CBFA2T2: variants seen among roughly 807,000 people sequenced by gnomAD.
CBFA2T2 encodes CBFA2/RUNX1 partner transcriptional co-repressor 2.
A neutral mutation model predicts 62.2 loss-of-function variants in CBFA2T2; 11 were observed. The ratio of observed to expected loss-of-function variants is 0.18; its 90% CI spans 0.11 to 0.29. The LOEUF is 0.29. CBFA2T2 is among the 10% of genes least tolerant of loss of function. The pLI is 1.00. For missense variants in CBFA2T2, 592 were observed against 774.1 expected, an observed-to-expected ratio of 0.76 and a Z score of 2.79; for synonymous variants, 295 against 287.5, an observed-to-expected ratio of 1.03 and a Z score of -0.27.
At chr20:33,503,281 G>A (rs181782864) in intron 1 of CBFA2T2, among the ~76,000 whole-genome samples, 1 of 121,726 alleles carries the variant, frequency 8.2e-6, no homozygotes, top group Non-Finnish European at 1.6e-5. Flanking sequence ...TTGAGATGGA[G>A]TCTCGCCCAG....
At chr20:33,634,235 G>A (rs185156165) in intron 8 of CBFA2T2, among the ~76,000 whole-genome samples, 1 of 152,268 alleles carries the variant, frequency 6.6e-6, no homozygotes, top group Admixed American at 6.5e-5. Flanking sequence ...CCAAAGTGCT[G>A]AGATTACACA....
chr20:33,601,802 C>G (rs1483669453), intron 1 of CBFA2T2: 3 of 129,666 alleles, frequency 2.3e-5, no homozygotes, highest in African/African-American at 9.9e-5. Context: ...AACTGTTATT[C>G]TAATAGATTT....
At chr20:33,640,731 AT>A (rs1272787176) in intron 10 of CBFA2T2, among the ~76,000 whole-genome samples, 200 bp downstream of exon 10, 1 of 151,940 alleles carries the variant, frequency 6.6e-6, no homozygotes, top group East Asian at 1.9e-4. Context: ...ATTACATTGT[AT>A]TTTTACATAC....
chr20:33,501,630 CTTTTTTTTTTTTTTTTTT>C (rs869281966), intron 1 of CBFA2T2, among the ~76,000 whole-genome samples: 1 of 63,256 alleles, frequency 1.6e-5, no homozygotes, highest in Non-Finnish European at 2.6e-5. Context: ...CTTAGCCTTC[CTTTTTTTTTTTTTTTTTT>C]TTTTTTTTTT....
At position 33,644,617 on chromosome 20, in the gene CBFA2T2, G is replaced by T; in HGVS notation, c.1759G>T (p.Val587Leu). Residue 587 changes from valine (V) to leucine (L), a missense_variant, in exon 11 of 11, where the codon GTG becomes TTG. Around this residue, in one of 3 missense-constraint regions of CBFA2T2, gnomAD observed 85 missense variants for 99.0 expected, o/e 0.86. Coordinates refer to ENST00000342704, the MANE Select transcript of CBFA2T2 (RefSeq NM_001032999.3). ...TTSRSSTPAS[V>L]TAIDTNGL ...ATCGCGTTCCTCAACACCTGCTTCT[G>T]TGACAGCTATCGACACCAACGGACT... 1 of 1,609,928 alleles carries T rather than the reference G, an allele frequency of 6.2e-7. No homozygotes were observed. The highest frequency in any genetic ancestry group is 8.5e-7 in the Non-Finnish European group (1 of 1,176,688).
intron 1 of CBFA2T2, among the ~76,000 whole-genome samples, chr20:33,502,935 C>T (rs2011317380): frequency 6.7e-6 from 1 of 149,714 alleles, no homozygotes; most frequent in Non-Finnish European, 1.5e-5. Context: ...CTAAAAAATA[C>T]AGAAAATTAG....
intron 1 of CBFA2T2, among the ~76,000 whole-genome samples, chr20:33,493,781 A>G (rs2011166977): frequency 2.2e-5 from 1 of 45,548 alleles, no homozygotes; most frequent in Non-Finnish European, 1.0e-4. Flanking sequence ...GAGTAGAGGC[A>G]TGAGCCACCA....
intron 3 of CBFA2T2, 67 bp from the exon 4 acceptor site, chr20:33,619,450 A>T: frequency 1.3e-6 from 1 of 744,728 alleles, no homozygotes; most frequent in East Asian, 3.0e-5. Flanking sequence ...AAAAAAAAGA[A>T]GAGTTTGGCA....
intron 3 of CBFA2T2, 35 bp from the exon 4 acceptor site, chr20:33,619,481 GT>G (rs1348027429): frequency 7.8e-7 from 1 of 1,274,910 alleles, no homozygotes; most frequent in Non-Finnish European, 1.1e-6. Context: ...TGGAAGTCCA[GT>G]TTTGGAAGTT....
chr20:33,506,966 C>T (rs967504263), intron 1 of CBFA2T2, among the ~76,000 whole-genome samples: 2 of 152,130 alleles, frequency 1.3e-5, no homozygotes, highest in African/African-American at 2.4e-5. Flanking sequence ...ATACTGAAAT[C>T]AATTTCTGAT....
At chr20:33,623,073 G>A (rs1358051288) in intron 4 of CBFA2T2, 42 bp from the exon 5 acceptor site, 12 of 1,606,444 alleles carry the variant, frequency 7.5e-6, no homozygotes, top group Non-Finnish European at 1.0e-5. Flanking sequence ...GAGCCTTCTT[G>A]TGTAGGGCCT....
intron 1 of CBFA2T2, among the ~76,000 whole-genome samples, chr20:33,536,007 A>T (rs1244988617): frequency 6.6e-6 from 1 of 152,210 alleles, no homozygotes; most frequent in Non-Finnish European, 1.5e-5. Flanking sequence ...GATCAACAGG[A>T]TCCCAAGGCA....
chr20:33,537,113 G>A (rs2012276104), intron 1 of CBFA2T2, among the ~76,000 whole-genome samples: 1 of 152,242 alleles, frequency 6.6e-6, no homozygotes, highest in African/African-American at 2.4e-5. Context: ...TGCAATCTCG[G>A]CACTTTGGGA....
At chr20:33,557,308 C>T (rs1401312416) in intron 1 of CBFA2T2, among the ~76,000 whole-genome samples, 4 of 152,118 alleles carry the variant, frequency 2.6e-5, no homozygotes, top group African/African-American at 9.6e-5. Flanking sequence ...CCACTGCGCC[C>T]AGCTGTGTGC....
At chr20:33,517,995 C>G (rs2011633569) in intron 1 of CBFA2T2, among the ~76,000 whole-genome samples, 1 of 151,870 alleles carries the variant, frequency 6.6e-6, no homozygotes, top group South Asian at 2.1e-4. Flanking sequence ...GTCACCCAGG[C>G]TGGAGTGCAG....
At chr20:33,603,765 T>C (rs140316405) in intron 1 of CBFA2T2, among the ~76,000 whole-genome samples, 1 of 152,294 alleles carries the variant, frequency 6.6e-6, no homozygotes, top group African/African-American at 2.4e-5. Context: ...GTTCAATATA[T>C]GGTTGATTCT....
chr20:33,580,023 G>C (rs2014040903), intron 1 of CBFA2T2, among the ~76,000 whole-genome samples: 1 of 151,798 alleles, frequency 6.6e-6, no homozygotes, highest in Admixed American at 6.6e-5. Flanking sequence ...CTCCATGTTG[G>C]TCAGGCTGGT....
At chr20:33,631,187 G>A (rs376890548) in intron 8 of CBFA2T2, among the ~76,000 whole-genome samples, 3 of 152,186 alleles carry the variant, frequency 2.0e-5, no homozygotes, top group East Asian at 3.9e-4. Context: ...GGTGGCGGAC[G>A]CCTGTACTCC....
chr20:33,546,462 C>T (rs1428012091), intron 1 of CBFA2T2, among the ~76,000 whole-genome samples: 1 of 146,252 alleles, frequency 6.8e-6, no homozygotes, highest in Non-Finnish European at 1.5e-5. Flanking sequence ...CACACTCTCT[C>T]TGTCATCCAG....
Sources: allele counts gnomAD v4.1 joint callset (sites outside exome capture counted in the v4.1 genomes callset), GRCh38; gene constraint gnomAD v4.1.1; regional missense constraint gnomAD v4.1.1; transcripts MANE v1.5; gene names NCBI Gene and HGNC (gene_info 2026-07-23, HGNC 2026-07-21).